Variants in SPOCK3 observed in about 807,000 individuals in gnomAD.
SPOCK3 encodes the protein SPARC (osteonectin), cwcv and kazal like domains proteoglycan 3, also known as testican-3.
A neutral mutation model predicts 56.6 loss-of-function variants in SPOCK3; 30 were observed. That is an observed-to-expected ratio of 0.53 (90% confidence interval 0.40 to 0.72). The LOEUF (loss-of-function observed/expected upper bound fraction) is 0.72, where lower values mean the gene tolerates loss of function less well. Among genes scored for constraint, SPOCK3 ranks in the 30% least tolerant of loss-of-function variants. The pLI is 0.00. For missense variants in SPOCK3, 527 were observed against 530.0 expected (o/e 0.99, Z 0.06); for synonymous variants, 196 against 183.3 (o/e 1.07, Z -0.56).
At chr4:167,160,289 CA>C (rs1580472283) in intron 2 of SPOCK3, among the ~76,000 whole-genome samples, 1 of 152,082 alleles carries the variant, frequency 6.6e-6, no homozygotes, top group East Asian at 1.9e-4. Context: ...CTCCCATTCA[CA>C]ATTGCTTCAA....
chr4:167,082,740 C>CAGGAAGGA (rs200120313), intron 2 of SPOCK3, among the ~76,000 whole-genome samples: 4 of 110,890 alleles, frequency 3.6e-5, no homozygotes, highest in African/African-American at 1.0e-4. Flanking sequence ...GTTTTTCTTC[C>CAGGAAGGA]AGGAAGGAAG....
At chr4:166,831,060 C>G (rs1745991716) in intron 6 of SPOCK3, among the ~76,000 whole-genome samples, 1 of 151,942 alleles carries the variant, frequency 6.6e-6, no homozygotes, top group South Asian at 2.1e-4. Context: ...CAAAAACATA[C>G]AAACTAGCAA....
At chr4:166,863,930 C>T (rs1483653250) in intron 6 of SPOCK3, among the ~76,000 whole-genome samples, 1 of 151,968 alleles carries the variant, frequency 6.6e-6, no homozygotes, top group African/African-American at 2.4e-5. Flanking sequence ...CTGGACCAAG[C>T]AGAACTAATA....
chr4:167,178,138 A>G (rs896592025), intron 2 of SPOCK3, among the ~76,000 whole-genome samples: 3 of 152,138 alleles, frequency 2.0e-5, no homozygotes, highest in African/African-American at 7.2e-5. Flanking sequence ...ACATAATGCC[A>G]CATTTCCCAG....
intron 10 of SPOCK3, 146 bp downstream of exon 10, chr4:166,737,321 T>C (rs1490708028): frequency 1.3e-6 from 1 of 774,370 alleles, no homozygotes; most frequent in Non-Finnish European, 1.9e-6. Context: ...TAGGAGTAAG[T>C]TTTTTTTGTC....
intron 2 of SPOCK3, among the ~76,000 whole-genome samples, chr4:167,100,036 A>G (rs1759500000): frequency 6.6e-6 from 1 of 152,202 alleles, no homozygotes; most frequent in Non-Finnish European, 1.5e-5. Flanking sequence ...GAAGTTATTT[A>G]TTCTCACATT....
At chr4:166,807,314 A>G (rs574782265) in intron 6 of SPOCK3, among the ~76,000 whole-genome samples, 10 of 152,096 alleles carry the variant, frequency 6.6e-5, no homozygotes, top group African/African-American at 2.4e-4. Context: ...AGCCTAAAAA[A>G]AAAAAAAAAG....
At chr4:166,871,043 C>A (rs1378428233) in intron 6 of SPOCK3, among the ~76,000 whole-genome samples, 2 of 152,058 alleles carry the variant, frequency 1.3e-5, no homozygotes, top group Non-Finnish European at 2.9e-5. Context: ...CCTCCCCAGC[C>A]ATGTGGAATC....
At chr4:167,097,832 G>A (rs1759293507) in intron 2 of SPOCK3, among the ~76,000 whole-genome samples, 2 of 151,954 alleles carry the variant, frequency 1.3e-5, no homozygotes, top group South Asian at 2.1e-4. Context: ...AAGAAAATGT[G>A]ATACATATAC....
chr4:166,927,893 A>C (rs1043723031), intron 4 of SPOCK3, among the ~76,000 whole-genome samples: 4 of 152,200 alleles, frequency 2.6e-5, no homozygotes, highest in African/African-American at 9.7e-5. Flanking sequence ...ATAAGAAAAA[A>C]AAATGCAACT....
At chr4:166,877,999 G>A (rs917219551) in intron 6 of SPOCK3, among the ~76,000 whole-genome samples, 11 of 151,988 alleles carry the variant, frequency 7.2e-5, no homozygotes, top group African/African-American at 2.2e-4. Flanking sequence ...CAAAATGGCC[G>A]GGCGCGGTGG....
At chr4:166,833,309 T>G (rs1182106025) in intron 6 of SPOCK3, among the ~76,000 whole-genome samples, 1 of 152,178 alleles carries the variant, frequency 6.6e-6, no homozygotes, top group Non-Finnish European at 1.5e-5. Context: ...AAAAAGAGTG[T>G]GTATTTTGCT....
At chr4:167,105,601 C>G (rs1216201413) in intron 2 of SPOCK3, among the ~76,000 whole-genome samples, 2 of 149,990 alleles carry the variant, frequency 1.3e-5, no homozygotes, top group African/African-American at 2.4e-5. Flanking sequence ...AGGAGCAAGT[C>G]CTTATTTATC....
chr4:167,121,095 G>GT (rs1023354150), intron 2 of SPOCK3, among the ~76,000 whole-genome samples: 4 of 151,632 alleles, frequency 2.6e-5, no homozygotes, highest in African/African-American at 7.2e-5. Context: ...TAACCTGGGT[G>GT]TTTTTTTAAA....
chr4:166,765,735 T>G (rs961607725), intron 7 of SPOCK3, among the ~76,000 whole-genome samples: 31 of 152,212 alleles, frequency 2.0e-4, no homozygotes, highest in Non-Finnish European at 4.1e-4. Flanking sequence ...AAGTCATTGG[T>G]AGCTTGATGG....
At chr4:166,739,247 T>C (rs1734572391) in intron 9 of SPOCK3, among the ~76,000 whole-genome samples, 1 of 152,090 alleles carries the variant, frequency 6.6e-6, no homozygotes, top group South Asian at 2.1e-4. Context: ...TTTATTTATT[T>C]ATTTATTTTT....
chr4:167,056,570 C>G (rs1380684450), intron 3 of SPOCK3, among the ~76,000 whole-genome samples: 1 of 152,072 alleles, frequency 6.6e-6, no homozygotes. Context: ...ACTAGAATAA[C>G]CAATACAGAG....
At chr4:166,815,089 G>A (rs1204743094) in intron 6 of SPOCK3, among the ~76,000 whole-genome samples, 1 of 151,956 alleles carries the variant, frequency 6.6e-6, no homozygotes, top group Non-Finnish European at 1.5e-5. Flanking sequence ...CCTTGTGTAT[G>A]CATATTCATT....
intron 6 of SPOCK3, among the ~76,000 whole-genome samples, chr4:166,839,968 A>G (rs1157445634): frequency 2.0e-5 from 3 of 152,220 alleles, no homozygotes; most frequent in Non-Finnish European, 1.5e-5. Flanking sequence ...CTGTGCTTCA[A>G]TAAACTTTGC....
Sources: allele counts gnomAD v4.1 joint callset (sites outside exome capture counted in the v4.1 genomes callset), GRCh38; gene constraint gnomAD v4.1.1; transcripts MANE v1.5; gene names NCBI Gene and HGNC (gene_info 2026-07-23, HGNC 2026-07-21).